The following SEM1 variants were observed in gnomAD, a reference collection of about 807,000 sequenced individuals.
SEM1 encodes the protein SEM1 26S proteasome subunit.
SEM1 carries 3 observed loss-of-function variants against 12.7 expected under a neutral mutation model. The ratio of observed to expected loss-of-function variants is 0.24; its 90% CI spans 0.11 to 0.61. SEM1 has a LOEUF of 0.61. SEM1 is among the 20% of genes least tolerant of loss of function. The pLI is 0.88. For missense variants in SEM1, 59 were observed against 81.3 expected (o/e 0.73, Z 1.06); for synonymous variants, 30 against 27.8 (o/e 1.08, Z -0.25).
At chr7:96,496,009 G>A (rs990729040) in intron 1 of SEM1, among the ~76,000 whole-genome samples, 1 of 152,074 alleles carries the variant, frequency 6.6e-6, no homozygotes. Flanking sequence ...CTCTCTGTTT[G>A]CTGTCATTTC....
At chr7:96,638,313 G>A (rs1808490554) in intron 2 of SEM1, among the ~76,000 whole-genome samples, 1 of 151,822 alleles carries the variant, frequency 6.6e-6, no homozygotes, top group Non-Finnish European at 1.5e-5. Flanking sequence ...CCACCTTCTA[G>A]GGCACAAAAT....
chr7:96,545,880 A>G (rs1805088913), intron 2 of SEM1, among the ~76,000 whole-genome samples: 1 of 152,084 alleles, frequency 6.6e-6, no homozygotes, highest in East Asian at 1.9e-4. Flanking sequence ...TTACATTCCC[A>G]TAGTTGATAT....
downstream of SEM1, among the ~76,000 whole-genome samples, chr7:96,670,150 TAAA>T (rs926581065): frequency 6.6e-5 from 10 of 152,190 alleles, no homozygotes; most frequent in African/African-American, 2.2e-4. Context: ...CAAGTAATAA[TAAA>T]ATCTACAATT....
chr7:96,689,178 T>C (rs906121939), intron 2 of SEM1, among the ~76,000 whole-genome samples: 1 of 152,142 alleles, frequency 6.6e-6, no homozygotes, highest in Non-Finnish European at 1.5e-5. Flanking sequence ...TCCCATTATT[T>C]AACTTGTATT....
intron 2 of SEM1, among the ~76,000 whole-genome samples, chr7:96,567,570 A>T (rs1324667424): frequency 6.6e-6 from 1 of 151,422 alleles, no homozygotes; most frequent in Non-Finnish European, 1.5e-5. Flanking sequence ...GGTGGACATC[A>T]TTGTCTTTCT....
rs536825527 is a variant in SEM1 at position 96,481,850 on chromosome 7, G to A, written c.*2009C>T. 4.6e-5 allele frequency: 7 copies of A among 152,178 alleles called. No homozygotes were observed. The South Asian group carries it at 1.0e-3, about 23-fold the overall frequency. The allele number at this position is 152,178 out of a possible 1,614,324, so 9.4% of individuals were successfully genotyped here. ...GTACCATGATACACATATGATGCAT[G>A]CATGCAAATTTAAGGGTAATATGAA... On this transcript the variant is annotated 3_prime_UTR_variant, in exon 4 of 4. Transcript: ENST00000356686.
intron 2 of SEM1, among the ~76,000 whole-genome samples, chr7:96,630,693 C>T (rs116466733): frequency 0.018 from 2,720 of 152,250 alleles, 78 homozygotes; most frequent in African/African-American, 0.062. Context: ...CTGTTCTTCA[C>T]GTGAAAGGCA....
In SEM1 at chr7:96,688,825, T is replaced by A; in HGVS notation, c.*99A>T. On this transcript the variant is annotated 3_prime_UTR_variant, in exon 3 of 3. Transcript: ENST00000248566. The stretch of plus-strand genomic sequence containing the variant: ...AACACAAATAAATCCAAGCAGATAA[T>A]GAAATAAACACATTTTTTTAGTGTC... 2.8e-6 allele frequency: 2 copies of A among 720,824 alleles called. No homozygotes were observed. The highest frequency in any genetic ancestry group is 2.4e-6 in the Non-Finnish European group (1 of 409,588). The allele number at this position is 720,824 out of a possible 1,614,324, so 44.7% of individuals were successfully genotyped here.
chr7:96,688,130 C>T (rs561630251), downstream of SEM1: 2 of 152,114 alleles, frequency 1.3e-5, no homozygotes, highest in Non-Finnish European at 2.9e-5. Context: ...TAAGTCATCA[C>T]AAAGAATCCT....
intron 2 of SEM1, among the ~76,000 whole-genome samples, chr7:96,661,144 G>A (rs1048486912): frequency 1.3e-5 from 2 of 152,082 alleles, no homozygotes; most frequent in African/African-American, 2.4e-5. Flanking sequence ...GGTTACATAA[G>A]TTTACACACC....
intron 2 of SEM1, chr7:96,637,332 C>A (rs754006539): frequency 6.6e-6 from 1 of 152,050 alleles, no homozygotes; most frequent in Non-Finnish European, 1.5e-5. Flanking sequence ...ATGTCCTTCT[C>A]ATTTCAGCTC....
chr7:96,534,542 T>C (rs985652564), intron 2 of SEM1, among the ~76,000 whole-genome samples: 3 of 152,066 alleles, frequency 2.0e-5, no homozygotes, highest in Admixed American at 1.3e-4. Flanking sequence ...GAAAATTTCA[T>C]TGGTAATAGT....
Position 96,579,857 on chromosome 7 carries a change from AG to A in SEM1, c.171-73160del, listed in dbSNP as rs550345120. 8.5e-5 allele frequency among the ~76,000 whole-genome samples: 13 copies of A among 152,308 alleles called. No homozygotes were observed. The South Asian group carries it at 2.7e-3, about 32-fold the overall frequency. On this transcript the variant is annotated intron_variant and NMD_transcript_variant, in intron 2 of 3. Coordinates refer to the SEM1 transcript ENST00000466986. The stretch of plus-strand genomic sequence containing the variant: ...TGTAAGCAATAGGGGAAATTGGTGA[AG>A]GGTGCATAGGACCTCTGTATTATCT...
At chr7:96,531,328 G>A (rs983079533) in intron 2 of SEM1, among the ~76,000 whole-genome samples, 1 of 151,740 alleles carries the variant, frequency 6.6e-6, no homozygotes. Flanking sequence ...CAGCACTTTC[G>A]GAAGCTGAGG....
chr7:96,605,266 C>T (rs548520515), intron 2 of SEM1, among the ~76,000 whole-genome samples: 22 of 152,162 alleles, frequency 1.4e-4, no homozygotes, highest in Admixed American at 1.3e-3. Context: ...CATTGGCATT[C>T]GTGAGGTACA....
chr7:96,516,580 C>T (rs1325891589), intron 2 of SEM1, among the ~76,000 whole-genome samples: 2 of 152,148 alleles, frequency 1.3e-5, no homozygotes. Flanking sequence ...ACACTGACAA[C>T]ATCAGATGCT....
At chr7:96,690,244 C>G (rs1789887907) in intron 2 of SEM1, among the ~76,000 whole-genome samples, 3 of 152,060 alleles carry the variant, frequency 2.0e-5, no homozygotes, top group African/African-American at 7.2e-5. Context: ...TTAACAGCAG[C>G]AACAAAAACA....
chr7:96,635,113 GT>G (rs996740744), intron 2 of SEM1, among the ~76,000 whole-genome samples: 26 of 152,052 alleles, frequency 1.7e-4, no homozygotes, highest in African/African-American at 5.6e-4. Flanking sequence ...TTTGGGATAT[GT>G]TTTGGAGGAA....
chr7:96,516,193 T>TA (rs1584729309), intron 2 of SEM1, among the ~76,000 whole-genome samples: 1 of 152,178 alleles, frequency 6.6e-6, no homozygotes, highest in East Asian at 1.9e-4. Flanking sequence ...ACTTTAGAGA[T>TA]ATGACACCAA....
Sources: allele counts gnomAD v4.1 joint callset (sites outside exome capture counted in the v4.1 genomes callset), GRCh38; gene constraint gnomAD v4.1.1; transcripts MANE v1.5; gene names NCBI Gene and HGNC (gene_info 2026-07-23, HGNC 2026-07-21).